The following ALMS1 variants were observed in gnomAD, a reference collection of about 807,000 sequenced individuals.
The protein encoded by ALMS1 is ALMS1 centrosome and basal body associated protein, also known as centrosome-associated protein ALMS1.
Under a neutral mutation model 352.2 loss-of-function variants are expected in ALMS1, and 271 were observed. The ratio of observed to expected loss-of-function variants is 0.77; its 90% CI spans 0.70 to 0.85. The LOEUF (loss-of-function observed/expected upper bound fraction) is 0.85, where lower values mean the gene tolerates loss of function less well. Ranked by LOEUF, ALMS1 falls within the 40% of genes least tolerant of loss-of-function variation. The probability of loss-of-function intolerance (pLI) is 0.00; values close to 1 mark genes in which losing one functional copy is unlikely to be tolerated. For synonymous variants in ALMS1, 1,865 were observed against 1,761.2 expected (o/e 1.06, Z -1.48); for missense variants, 5,445 against 4,870.7 (o/e 1.12, Z -3.51).
chr2:73,609,853 C>A lies in ALMS1; in HGVS notation c.*241C>A, dbSNP rs572103948. The A allele has an allele frequency of 5.9e-6, 3 of 510,922 alleles. 1 individual carries two copies. The highest frequency in any genetic ancestry group is 1.1e-5 in the Non-Finnish European group (3 of 283,264). 31.6% of individuals were successfully genotyped at this position (510,922 alleles called of 1,614,324 possible). On this transcript the variant is annotated 3_prime_UTR_variant, in exon 23 of 23. Transcript: ENST00000613296. ...GTGTGTTACAATGATATGATCATTT[C>A]TCAAGAATAAGTCCCTTTTTGTATG...
chr2:73,514,318 CT>C (rs1332038618), intron 10 of ALMS1, among the ~76,000 whole-genome samples: 2 of 151,528 alleles, frequency 1.3e-5, no homozygotes, highest in African/African-American at 2.4e-5. Flanking sequence ...GCTTCTTTTA[CT>C]TTTTTTTCTT....
At chr2:73,388,624 C>G (rs76363434) in intron 1 of ALMS1, among the ~76,000 whole-genome samples, 3,390 of 152,292 alleles carry the variant, frequency 0.022, 58 homozygotes, top group Non-Finnish European at 0.035. Context: ...CAGGCTCCAT[C>G]CATGTTGCTG....
At chr2:73,387,218 AT>A (rs1185397588) in intron 1 of ALMS1, among the ~76,000 whole-genome samples, 2 of 152,340 alleles carry the variant, frequency 1.3e-5, no homozygotes, top group East Asian at 3.9e-4. Flanking sequence ...TTGAACATGT[AT>A]TATTAGAATT....
intron 9 of ALMS1, among the ~76,000 whole-genome samples, chr2:73,481,605 T>C (rs1203230640): frequency 1.3e-5 from 2 of 151,176 alleles, no homozygotes; most frequent in African/African-American, 4.9e-5. Context: ...TTTTTCCAAT[T>C]CTGTGAAGAA....
chr2:73,536,526 G>T (rs1674032077), intron 12 of ALMS1, among the ~76,000 whole-genome samples: 1 of 152,074 alleles, frequency 6.6e-6, no homozygotes, highest in Non-Finnish European at 1.5e-5. Flanking sequence ...AGGAAGTTGG[G>T]AATAGAAAAT....
Position 73,450,136 on chromosome 2 carries a change from A to G in ALMS1, c.3609A>G (p.Gln1203=), listed in dbSNP as rs374681059. The G allele has an allele frequency of 6.8e-6, 11 of 1,614,098 alleles. No homozygotes were observed. In the South Asian group the frequency reaches 7.7e-5, roughly 11 times the overall value. ...GAGAGAAACCTGGTATTTTCTATCA[A>G]CAGACCTTGCCAGGTAGTCACATAC... ...SQREKPGIFY[Q]QTLPGSHIPE... The change falls in exon 8 of 23, where the codon CAA becomes CAG. Residue 1203 remains glutamine (Q), a synonymous_variant. Coordinates refer to ENST00000613296, the MANE Select transcript of ALMS1 (RefSeq NM_001378454.1).
intron 9 of ALMS1, among the ~76,000 whole-genome samples, chr2:73,472,755 G>C (rs542062970): frequency 2.6e-5 from 4 of 152,046 alleles, no homozygotes; most frequent in Non-Finnish European, 5.9e-5. Context: ...GTTAGCACGA[G>C]AAGGATTAGT....
intron 1 of ALMS1, among the ~76,000 whole-genome samples, chr2:73,396,321 C>T (rs1005998207): frequency 4.6e-5 from 7 of 151,784 alleles, no homozygotes; most frequent in Non-Finnish European, 8.8e-5. Flanking sequence ...CACACACACA[C>T]ACACACACAC....
At position 73,411,901 on chromosome 2, in the gene ALMS1, A is replaced by G. The variant is rs976238486; in HGVS notation, c.450+3154A>G. On this transcript the variant is annotated intron_variant, in intron 2 of 22. Transcript: ENST00000613296. Reference sequence around the variant, plus strand: ...GTTACTCATCCCATGATCACAGTCTATCTAGACTTTGTCATCACCAGCTAC... The same window carrying G: ...GTTACTCATCCCATGATCACAGTCTGTCTAGACTTTGTCATCACCAGCTAC... Among the ~76,000 whole-genome samples the G allele has an allele frequency of 5.9e-5, 9 of 152,250 alleles. No homozygotes were observed. In the East Asian group the frequency reaches 9.7e-4, roughly 16 times the overall value.
At chr2:73,470,041 C>G (rs185751067) in intron 9 of ALMS1, 16 of 151,912 alleles carry the variant, frequency 1.1e-4, no homozygotes, top group African/African-American at 3.9e-4. Context: ...TCTTTTGCAT[C>G]AGTGTGATGT....
intron 1 of ALMS1, among the ~76,000 whole-genome samples, chr2:73,407,645 C>T (rs957249019): frequency 3.9e-5 from 6 of 152,166 alleles, no homozygotes; most frequent in Admixed American, 3.9e-4. Flanking sequence ...CAGGTGAGGT[C>T]TAGTGGTAAT....
chr2:73,430,094 T>G (rs1558641291), intron 6 of ALMS1, among the ~76,000 whole-genome samples: 1 of 150,912 alleles, frequency 6.6e-6, no homozygotes, highest in African/African-American at 2.4e-5. Context: ...TTTTTTTTTT[T>G]GAGACAGAGT....
rs1573033246 is a variant in ALMS1, at chr2:73,575,650, G to C, written c.11547+2226G>C. Among the ~76,000 whole-genome samples the C allele has an allele frequency of 2.0e-5, 3 of 151,990 alleles. No individual in the cohort carries two copies. In the East Asian group the frequency reaches 5.8e-4, roughly 29 times the overall value. On this transcript the variant is annotated intron_variant, in intron 16 of 22. Transcript: ENST00000613296. ...TGAAAAATGTCTTTTCAAGTCATTT[G>C]GCCATTTTAAATCTGGCTGTTTGAT...
chr2:73,529,967 T>C (rs1673873815), intron 11 of ALMS1, among the ~76,000 whole-genome samples: 1 of 152,170 alleles, frequency 6.6e-6, no homozygotes, highest in African/African-American at 2.4e-5. Flanking sequence ...ACTGCCCCCA[T>C]GATCCAATCA....
chr2:73,399,552 C>T (rs1046549428), intron 1 of ALMS1, among the ~76,000 whole-genome samples: 6 of 151,554 alleles, frequency 4.0e-5, no homozygotes, highest in East Asian at 1.9e-4. Flanking sequence ...TTAGAGTGAG[C>T]GCTCACTTAT....
chr2:73,461,245 A>G (rs544956535), intron 9 of ALMS1, among the ~76,000 whole-genome samples: 2 of 152,322 alleles, frequency 1.3e-5, no homozygotes, highest in Admixed American at 1.3e-4. Flanking sequence ...CAAAACTTCC[A>G]GAGGAATGAT....
intron 14 of ALMS1, 41 bp downstream of exon 14, chr2:73,557,395 C>G: frequency 6.2e-7 from 1 of 1,612,690 alleles, no homozygotes; most frequent in Non-Finnish European, 8.5e-7. Flanking sequence ...TTCTTCTGGT[C>G]TTCTAAAATG....
chr2:73,455,029 A>G (rs1283480813), intron 8 of ALMS1, 133 bp from the exon 9 acceptor site: 4 of 1,023,270 alleles, frequency 3.9e-6, no homozygotes, highest in Non-Finnish European at 6.0e-6. Flanking sequence ...ATAGGTTGTC[A>G]TAATTGAGAA....
chr2:73,435,608 GT>G (rs900572476), intron 7 of ALMS1, among the ~76,000 whole-genome samples: 41 of 140,444 alleles, frequency 2.9e-4, no homozygotes, highest in Non-Finnish European at 2.4e-4. Context: ...TTAAGTTTTT[GT>G]TTTTTTTTTT....
Sources: allele counts gnomAD v4.1 joint callset (sites outside exome capture counted in the v4.1 genomes callset), GRCh38; gene constraint gnomAD v4.1.1; transcripts MANE v1.5; gene names NCBI Gene and HGNC (gene_info 2026-07-23, HGNC 2026-07-21).